Variants in FARP1 observed in about 807,000 individuals in gnomAD.
FARP1 encodes the protein FERM, ARH/RhoGEF and pleckstrin domain protein 1.
Under a neutral mutation model 128.8 loss-of-function variants are expected in FARP1, and 52 were observed. The ratio of observed to expected loss-of-function variants is 0.40; its 90% CI spans 0.32 to 0.51. FARP1 has a LOEUF of 0.51. Ranked by LOEUF, FARP1 falls within the 20% of genes least tolerant of loss-of-function variation. The pLI is 0.45. For missense variants in FARP1, 1,333 were observed against 1,367.9 expected, an observed-to-expected ratio of 0.97 and a Z score of 0.40; for synonymous variants, 580 against 551.8, an observed-to-expected ratio of 1.05 and a Z score of -0.72.
In FARP1 at chr13:98,388,458, A is replaced by G. The variant is rs1198622341; in HGVS notation, c.835A>G (p.Lys279Glu). Reference protein sequence around the residue: ...LSFKRKRFLIKLRPDANSAYQ... With the variant: ...LSFKRKRFLIELRPDANSAYQ... ...CTTCAAGAGGAAGCGCTTTCTCATCAAGCTCCGGCCAGATGCCAATGTAAG... is the reference window on the plus strand; with the variant it reads ...CTTCAAGAGGAAGCGCTTTCTCATCGAGCTCCGGCCAGATGCCAATGTAAG... Residue 279 changes from lysine (K) to glutamate (E), a missense_variant, in exon 9 of 27, where the codon AAG (lysine) becomes GAG (glutamate). Transcript: ENST00000319562. 1 of 1,613,804 alleles carries G rather than the reference A, an allele frequency of 6.2e-7. No individual in the cohort carries two copies. Among genetic ancestry groups the G allele is most frequent in the Non-Finnish European group, 8.5e-7 (1 of 1,179,810 alleles).
At chr13:98,436,308 G>A (rs759587785) in intron 19 of FARP1, among the ~76,000 whole-genome samples, 1 of 152,094 alleles carries the variant, frequency 6.6e-6, no homozygotes, top group Non-Finnish European at 1.5e-5. Flanking sequence ...ACTCCTTCCA[G>A]GCCAGTGACA....
chr13:98,348,094 G>A lies in FARP1; in HGVS notation c.276+4228G>A, dbSNP rs188912058. On this transcript the variant is annotated intron_variant, in intron 3 of 26. Transcript: ENST00000319562. Reference sequence around the variant, plus strand: ...ATAAGGGTTTTTCATAGTCTAAGACGTGTTTCTCAAGATTGTAAATAAACT... The same window carrying A: ...ATAAGGGTTTTTCATAGTCTAAGACATGTTTCTCAAGATTGTAAATAAACT... Among the ~76,000 whole-genome samples, 176 of 152,336 alleles carry A rather than the reference G, an allele frequency of 1.2e-3. 4 individuals carry two copies. The highest frequency in any genetic ancestry group is 1.0e-4 in the Non-Finnish European group (7 of 68,038).
At chr13:98,388,708 A>G (rs941679133) in intron 9 of FARP1, among the ~76,000 whole-genome samples, 3 of 152,232 alleles carry the variant, frequency 2.0e-5, no homozygotes, top group African/African-American at 4.8e-5. Context: ...GTACATGAAC[A>G]TGTACCTGGG....
At position 98,446,819 on chromosome 13, in the gene FARP1, TAG is replaced by T; in HGVS notation, c.3056+4_3056+5del. The T allele has an allele frequency of 6.2e-7, 1 of 1,613,842 alleles. No homozygotes were observed. Among genetic ancestry groups the T allele is most frequent in the Non-Finnish European group, 8.5e-7 (1 of 1,179,942 alleles). Reference sequence around the variant, plus strand: ...GGAAAGCGAGTACACGTTCGAAAGGTAGACACCCCCTTCCCACGCACAGGGCC... The same window carrying T: ...GGAAAGCGAGTACACGTTCGAAAGGTACACCCCCTTCCCACGCACAGGGCC... On this transcript the variant is annotated splice_donor_region_variant and intron_variant, in intron 26 of 26. Transcript: ENST00000319562.
intron 6 of FARP1, chr13:98,382,325 T>G (rs1325217722): frequency 3.3e-5 from 5 of 152,084 alleles, no homozygotes; most frequent in African/African-American, 9.7e-5. Flanking sequence ...AGGAGAAATG[T>G]GGGGAGCGAA....
At chr13:98,343,019 T>G (rs1888033411) in intron 2 of FARP1, among the ~76,000 whole-genome samples, 1 of 151,748 alleles carries the variant, frequency 6.6e-6, no homozygotes, top group Non-Finnish European at 1.5e-5. Context: ...AGCAAAACTC[T>G]GTCTCAAGAA....
intron 2 of FARP1, among the ~76,000 whole-genome samples, chr13:98,332,097 A>G (rs1432776220): frequency 2.6e-5 from 4 of 151,926 alleles, no homozygotes; most frequent in African/African-American, 4.8e-5. Flanking sequence ...TAACTTTACC[A>G]TTTTAACCAT....
At chr13:98,206,177 TTG>T (rs3138577) in intron 1 of FARP1, among the ~76,000 whole-genome samples, 29,154 of 146,146 alleles carry the variant, frequency 0.2, 3,032 homozygotes, top group Middle Eastern at 0.32. Flanking sequence ...TGACTTGAGG[TTG>T]TGTGTGTGTG....
At chr13:98,301,685 G>A (rs1180785114) in intron 2 of FARP1, among the ~76,000 whole-genome samples, 2 of 152,110 alleles carry the variant, frequency 1.3e-5, no homozygotes, top group Non-Finnish European at 2.9e-5. Flanking sequence ...AAACCTTTCG[G>A]GCTTTTGGGG....
At position 98,454,266 on chromosome 13, in the gene FARP1, A is replaced by G. The variant is rs772349089; in HGVS notation, c.*5949A>G. ...TCATGGGTAATTTCTGTGTCTTCCA[A>G]AAATTCTACAAGATTGTCTTCAGAA... is the stretch of plus-strand genomic sequence containing the variant. On this transcript the variant is annotated 3_prime_UTR_variant, in exon 27 of 27. Transcript: ENST00000319562. 6.6e-6 allele frequency: 1 copy of G among 152,190 alleles called. No homozygotes were observed. The highest frequency in any genetic ancestry group is 1.5e-5 in the Non-Finnish European group (1 of 68,038). 9.4% of individuals were successfully genotyped at this position (152,190 alleles called of 1,614,324 possible).
At chr13:98,261,325 T>G (rs1198095633) in intron 2 of FARP1, among the ~76,000 whole-genome samples, 1 of 152,146 alleles carries the variant, frequency 6.6e-6, no homozygotes, top group African/African-American at 2.4e-5. Context: ...GGGGGATTTG[T>G]CAGGACCTGG....
intron 25 of FARP1, 34 bp from the exon 26 acceptor site, chr13:98,446,632 C>T (rs750216137): frequency 1.4e-5 from 22 of 1,610,058 alleles, no homozygotes; most frequent in Middle Eastern, 1.6e-4. Context: ...AAGCTGACCC[C>T]GAAAAGCCAC....
rs1366477419 is a variant in FARP1 at position 98,451,108 on chromosome 13, G to C, written c.*2791G>C. Reference sequence around the variant, plus strand: ...GGCTCACCCACTGTTACTAGCATGAGACTGGCTTCAGTGCTAAAAACTGTG... The same window carrying C: ...GGCTCACCCACTGTTACTAGCATGACACTGGCTTCAGTGCTAAAAACTGTG... On this transcript the variant is annotated 3_prime_UTR_variant, in exon 27 of 27. Transcript: ENST00000319562. The C allele has an allele frequency of 6.6e-6, 1 of 152,154 alleles. No homozygotes were observed. The highest frequency in any genetic ancestry group is 6.5e-5 in the Admixed American group (1 of 15,282). The allele number at this position is 152,154 out of a possible 1,614,324, so 9.4% of individuals were successfully genotyped here.
At chr13:98,315,757 G>C (rs568856578) in intron 2 of FARP1, among the ~76,000 whole-genome samples, 1 of 152,338 alleles carries the variant, frequency 6.6e-6, no homozygotes, top group South Asian at 2.1e-4. Flanking sequence ...GCAGTGAGGA[G>C]ACTTCAGAAT....
At chr13:98,231,877 G>C (rs1882133195) in intron 2 of FARP1, among the ~76,000 whole-genome samples, 1 of 151,876 alleles carries the variant, frequency 6.6e-6, no homozygotes, top group South Asian at 2.1e-4. Flanking sequence ...GCCCAGGCTT[G>C]AGTGCAATGG....
chr13:98,186,640 T>A (rs1213990655), intron 1 of FARP1, among the ~76,000 whole-genome samples: 1 of 152,198 alleles, frequency 6.6e-6, no homozygotes, highest in East Asian at 1.9e-4. Flanking sequence ...ATTGTATGTA[T>A]ATCCCATGTT....
rs764990954 is a variant in FARP1 at position 98,368,160 on chromosome 13, G to C, written c.363G>C (p.Pro121=). The change falls in exon 5 of 27, where the codon CCG becomes CCC. Residue 121 remains proline (P), a synonymous_variant. Transcript: ENST00000319562. ...TTAAGTTTGTGGTGAAATTCTTTCC[G>C]CCTGACCACACACAACTCCAAGAAG... ...VVVKFVVKFF[P]PDHTQLQEEL... 1 of 1,613,782 alleles carries C rather than the reference G, an allele frequency of 6.2e-7. No homozygotes were observed. The highest frequency in any genetic ancestry group is 8.5e-7 in the Non-Finnish European group (1 of 1,179,862).
chr13:98,199,517 T>C (rs1355577494), intron 1 of FARP1, among the ~76,000 whole-genome samples: 1 of 152,182 alleles, frequency 6.6e-6, no homozygotes, highest in Non-Finnish European at 1.5e-5. Flanking sequence ...ACTTGAATGA[T>C]AGTATACTTT....
chr13:98,418,861 A>C (rs1315769474), intron 16 of FARP1, among the ~76,000 whole-genome samples: 22 of 152,200 alleles, frequency 1.4e-4, no homozygotes, highest in Admixed American at 1.3e-3. Context: ...GATGCTATCA[A>C]ACCTGCCTGT....
Sources: allele counts gnomAD v4.1 joint callset (sites outside exome capture counted in the v4.1 genomes callset), GRCh38; gene constraint gnomAD v4.1.1; transcripts MANE v1.5; gene names NCBI Gene and HGNC (gene_info 2026-07-23, HGNC 2026-07-21).